The following MRAP variants were observed in gnomAD, a reference collection of about 807,000 sequenced individuals.
MRAP encodes the protein melanocortin-2 receptor accessory protein.
In MRAP, 8 loss-of-function variants were observed where a neutral mutation model predicts 8.7. The observed-to-expected ratio is 0.92, with a 90% CI of 0.54 to 1.66. The LOEUF (loss-of-function observed/expected upper bound fraction) is 1.66, where lower values mean the gene tolerates loss of function less well. Ranked by LOEUF, MRAP falls within the 40% of genes most tolerant of loss-of-function variation. MRAP has a pLI of 0.00. For synonymous variants in MRAP, 95 were observed against 95.5 expected (o/e 1.00, Z 0.03); for missense variants, 237 against 217.1 (o/e 1.09, Z -0.58).
chr21:32,314,444 C>T (rs2032645672), downstream of MRAP: 1 of 1,042,946 alleles, frequency 9.6e-7, no homozygotes, highest in African/African-American at 1.6e-5. Context: ...CTTGGCCTCC[C>T]AAAGTGCTGG....
chr21:32,300,859 G>T (rs901531260), intron 1 of MRAP, among the ~76,000 whole-genome samples: 13 of 151,646 alleles, frequency 8.6e-5, no homozygotes, highest in Non-Finnish European at 1.5e-4. Flanking sequence ...TATGTCAGGG[G>T]CGTCATGCGT....
rs141115112 is a variant in MRAP at position 32,304,230 on chromosome 21, G to A, written c.107-2410G>A. On this transcript the variant is annotated intron_variant, in intron 1 of 2. Coordinates refer to ENST00000303645, the MANE Select transcript of MRAP (RefSeq NM_001379228.1). ...CAGCATATGCACTCTTTTACTGTAAGGGTTGTAAAATAGATTGTAACTCTT... is the reference window on the plus strand; with the variant it reads ...CAGCATATGCACTCTTTTACTGTAAAGGTTGTAAAATAGATTGTAACTCTT... 3.9e-4 allele frequency among the ~76,000 whole-genome samples: 59 copies of A among 152,314 alleles called. No individual in the cohort carries two copies. The East Asian group carries it at 0.011, about 28-fold the overall frequency.
intron 1 of MRAP, among the ~76,000 whole-genome samples, chr21:32,302,474 T>C (rs2032315774): frequency 6.6e-6 from 1 of 152,220 alleles, no homozygotes; most frequent in East Asian, 1.9e-4. Flanking sequence ...GGTACATTCA[T>C]TGAGAAAGTC....
intron 1 of MRAP, 124 bp downstream of exon 1, chr21:32,299,201 T>C: frequency 2.7e-6 from 2 of 749,564 alleles, no homozygotes; most frequent in South Asian, 3.0e-5. Context: ...AAAGCAGGAA[T>C]GTGGCCAGTT....
intron 1 of MRAP, among the ~76,000 whole-genome samples, chr21:32,300,718 CGGG>C (rs1343880098): frequency 1.8e-3 from 35 of 19,744 alleles, no homozygotes; most frequent in African/African-American, 2.6e-3. Context: ...CGTCCTATGT[CGGG>C]GCGTCATTCG....
chr21:32,308,231 A>G (rs1271923769), intron 2 of MRAP, among the ~76,000 whole-genome samples: 1 of 152,050 alleles, frequency 6.6e-6, no homozygotes, highest in Non-Finnish European at 1.5e-5. Flanking sequence ...TTAAAAAATC[A>G]GCCAGGTGTG....
Position 32,312,275 on chromosome 21 carries a change from C to G in MRAP, c.*279C>G, listed in dbSNP as rs2032601618. The G allele has an allele frequency of 1.0e-5, 14 of 1,377,556 alleles. No individual in the cohort carries two copies. The highest frequency in any genetic ancestry group is 9.4e-7 in the Non-Finnish European group (1 of 1,063,614). The allele number at this position is 1,377,556 out of a possible 1,614,324, so 85.3% of individuals were successfully genotyped here. ...GAAGAGTAGGAAAATAAAATATATG[C>G]AAATCAAGAGGAAAAGCTGTTTGCT... On this transcript the variant is annotated 3_prime_UTR_variant, in exon 3 of 3. Transcript: ENST00000303645.
chr21:32,293,353 A>G (rs1259413294), intron 2 of MRAP, among the ~76,000 whole-genome samples: 1 of 152,120 alleles, frequency 6.6e-6, no homozygotes, highest in Non-Finnish European at 1.5e-5. Context: ...AGAAATTGAC[A>G]TAAGGTAAGA....
intron 1 of MRAP, among the ~76,000 whole-genome samples, chr21:32,300,640 G>A (rs550978532): frequency 2.7e-5 from 4 of 147,362 alleles, no homozygotes; most frequent in South Asian, 2.2e-4. Context: ...TGCGTCACAC[G>A]TCCTATGCCG....
chr21:32,295,495 GACCAATTATTACTTTAGAGAGATAGTT>G (rs1367961035), upstream of MRAP, among the ~76,000 whole-genome samples: 1 of 152,140 alleles, frequency 6.6e-6, no homozygotes, highest in Non-Finnish European at 1.5e-5. Flanking sequence ...CGCCGCCTGT[GACCAATTATTACTTTAGAGAGATAGTT>G]AACAACAGCC....
At chr21:32,303,173 G>A (rs1298221973) in intron 1 of MRAP, among the ~76,000 whole-genome samples, 6 of 151,754 alleles carry the variant, frequency 4.0e-5, no homozygotes, top group Non-Finnish European at 8.8e-5. Flanking sequence ...TAGTAGAGAC[G>A]GGGTTTCACC....
chr21:32,312,429 G>A (rs370524561), downstream of MRAP: 78 of 744,940 alleles, frequency 1.0e-4, no homozygotes, highest in African/African-American at 6.1e-4. Context: ...AACACCCGCC[G>A]GCTCCCCCAG....
At position 32,311,762 on chromosome 21, in the gene MRAP, G is replaced by T. The variant is rs779122471; in HGVS notation, c.285G>T (p.Pro95=). 4 of 1,614,012 alleles carry T rather than the reference G, an allele frequency of 2.5e-6. No homozygotes were observed. In the South Asian group the frequency reaches 3.3e-5, roughly 13 times the overall value. Residue 95 remains proline, a synonymous_variant, in exon 3 of 3, where the codon CCG becomes CCT. Coordinates refer to ENST00000303645, the MANE Select transcript of MRAP (RefSeq NM_001379228.1). ...ACCTCTGCATCCAGAAGTGCCTGCC[G>T]TGCCACAGGGAACCCCTGGCAACCT... ...NLHLCIQKCL[P]CHREPLATSQ... is the part of the protein sequence containing the mutation.
At chr21:32,310,769 C>T (rs532662295) in intron 2 of MRAP, among the ~76,000 whole-genome samples, 1 of 152,034 alleles carries the variant, frequency 6.6e-6, no homozygotes, top group Non-Finnish European at 1.5e-5. Flanking sequence ...GCCTCAGCCT[C>T]CTGAGTAGCT....
upstream of MRAP, among the ~76,000 whole-genome samples, chr21:32,296,962 G>T (rs2032151853): frequency 2.0e-5 from 3 of 152,164 alleles, no homozygotes; most frequent in Admixed American, 2.0e-4. Flanking sequence ...TAAAGTAAAT[G>T]TGCAATGATG....
chr21:32,303,233 C>A (rs2032330910), intron 1 of MRAP, among the ~76,000 whole-genome samples: 1 of 152,166 alleles, frequency 6.6e-6, no homozygotes, highest in Non-Finnish European at 1.5e-5. Context: ...ATCCACCCAC[C>A]TTGGCCTCCC....
At chr21:32,296,475 CAT>C (rs1163495522), upstream of MRAP, among the ~76,000 whole-genome samples, 4 of 152,136 alleles carry the variant, frequency 2.6e-5, no homozygotes, top group African/African-American at 4.8e-5. Context: ...CATGTAGAGT[CAT>C]GTGTCACTTC....
At chr21:32,299,796 A>G (rs2032216532) in intron 1 of MRAP, among the ~76,000 whole-genome samples, 1 of 152,224 alleles carries the variant, frequency 6.6e-6, no homozygotes, top group Non-Finnish European at 1.5e-5. Flanking sequence ...TTTTACTAAA[A>G]TGCCAACATA....
chr21:32,304,962 G>GTTTTTTTTTT (rs1319327133), intron 1 of MRAP, among the ~76,000 whole-genome samples: 1 of 100,354 alleles, frequency 1.0e-5, no homozygotes. Context: ...TGTTTTTTTT[G>GTTTTTTTTTT]TTGTTTTTTT....
Sources: allele counts gnomAD v4.1 joint callset (sites outside exome capture counted in the v4.1 genomes callset), GRCh38; gene constraint gnomAD v4.1.1; transcripts MANE v1.5; gene names NCBI Gene and HGNC (gene_info 2026-07-23, HGNC 2026-07-21).